CCDC50: variants seen among roughly 807,000 people sequenced by gnomAD.
CCDC50 encodes coiled-coil domain containing 50, also known as coiled-coil domain-containing protein 50.
Under a neutral mutation model 70.2 loss-of-function variants are expected in CCDC50, and 54 were observed. The observed-to-expected ratio is 0.77, with a 90% CI of 0.62 to 0.96. CCDC50 has a LOEUF of 0.96. Among genes scored for constraint, CCDC50 ranks in the 50% least tolerant of loss-of-function variants. The probability of loss-of-function intolerance (pLI) is 0.00; values close to 1 mark genes in which losing one functional copy is unlikely to be tolerated. For missense variants in CCDC50, 558 were observed against 578.7 expected (o/e 0.96, Z 0.37); for synonymous variants, 216 against 198.8 (o/e 1.09, Z -0.73).
Position 191,352,485 on chromosome 3 carries a change from G to A in CCDC50, c.50-4603G>A, listed in dbSNP as rs1025364416. On this transcript the variant is annotated intron_variant, in intron 1 of 11. Transcript: ENST00000392455. ...ATTTTATTGCACTTTGCTTTACTGC[G>A]CTTTGGACAAACTATGTGTTTTACA... Among the ~76,000 whole-genome samples the A allele has an allele frequency of 1.4e-5, 2 of 141,940 alleles. 1 individual carries two copies. Among genetic ancestry groups the A allele is most frequent in the Non-Finnish European group, 3.2e-5 (2 of 62,946 alleles). The allele number at this position is 141,940 out of a possible 152,430, so 93.1% of individuals were successfully genotyped here. A position where few individuals can be genotyped will look rare whatever the true frequency, so the allele number is the denominator to read the frequency against.
rs4677729 is a variant in CCDC50, at chr3:191,375,595, A to G, written c.976+6A>G. ...GCTCCACCTCCATGACGCAGGTAAT[A>G]GAGGACAGTCTCGATGGAAGTCCTG... On this transcript the variant is annotated splice_donor_region_variant and intron_variant, in intron 6 of 11. Coordinates refer to ENST00000392455, the MANE Select transcript of CCDC50 (RefSeq NM_178335.3). 657,195 of 1,610,156 alleles carry G rather than the reference A, an allele frequency of 0.41. 137,770 individuals carry two copies. Among genetic ancestry groups the G allele is most frequent in the African/African-American group, 0.68 (51,072 of 74,766 alleles).
rs1387308848 is a variant in CCDC50 at position 191,345,121 on chromosome 3, GGA to G, written c.50-11966_50-11965del. 5.3e-5 allele frequency among the ~76,000 whole-genome samples: 8 copies of G among 152,288 alleles called. No individual in the cohort carries two copies. The South Asian group carries it at 1.7e-3, about 32-fold the overall frequency. On this transcript the variant is annotated intron_variant, in intron 1 of 11. Coordinates refer to ENST00000392455, the MANE Select transcript of CCDC50 (RefSeq NM_178335.3). ...TTATGGGATGTTTCTTGAGAAGAAA[GGA>G]AGCTTAACTTGAGTGCTTTCTGTTA...
Position 191,398,453 on chromosome 3 carries a change from T to C in CCDC50, c.*6693T>C, listed in dbSNP as rs1396581108. The C allele has an allele frequency of 6.6e-6, 1 of 152,188 alleles. No individual in the cohort carries two copies. Among genetic ancestry groups the C allele is most frequent in the African/African-American group, 2.4e-5 (1 of 41,436 alleles). 9.4% of individuals were successfully genotyped at this position (152,188 alleles called of 1,614,324 possible). On this transcript the variant is annotated 3_prime_UTR_variant, in exon 12 of 12. Transcript: ENST00000392455. ...AGTCAGTGGTCTCTGTCTCATGTTT[T>C]TGTTTTGTTTCTTTACAGCATTCAA... is the stretch of plus-strand genomic sequence containing the variant.
chr3:191,391,469 T>G (rs1444692613), intron 11 of CCDC50, among the ~76,000 whole-genome samples: 1 of 152,236 alleles, frequency 6.6e-6, no homozygotes, highest in Non-Finnish European at 1.5e-5. Context: ...GTTGGTGGCA[T>G]TTTCACTGTT....
chr3:191,373,181 G>C (rs1160325434), intron 5 of CCDC50, among the ~76,000 whole-genome samples: 3 of 151,906 alleles, frequency 2.0e-5, no homozygotes, highest in Non-Finnish European at 2.9e-5. Flanking sequence ...CAAATAACTT[G>C]GTCTCAAGAA....
In CCDC50 at chr3:191,329,568, C is replaced by T. The variant is rs900315987; in HGVS notation, c.-107C>T. The T allele has an allele frequency of 5.1e-6, 6 of 1,177,392 alleles. No homozygotes were observed. The highest frequency in any genetic ancestry group is 7.1e-6 in the Non-Finnish European group (6 of 845,086). The allele number at this position is 1,177,392 out of a possible 1,614,324, so 72.9% of individuals were successfully genotyped here. On this transcript the variant is annotated 5_prime_UTR_variant, in exon 1 of 12. Coordinates refer to ENST00000392455, the MANE Select transcript of CCDC50 (RefSeq NM_178335.3). ...TCTCCGGCCTGCGAGCCCTGCCGGC[C>T]GGACTTTGCGCCGCGTCCGGCGCTG... is the stretch of plus-strand genomic sequence containing the variant.
chr3:191,329,410 T>G lies in CCDC50; in HGVS notation c.-265T>G. On this transcript the variant is annotated 5_prime_UTR_variant, in exon 1 of 12. Coordinates refer to ENST00000392455, the MANE Select transcript of CCDC50 (RefSeq NM_178335.3). ...CCCCGGTCCATTTCCGGGCTCCGGA[T>G]ATTTGGTATCGATTGGGGCCGGGGA... 74 of 388,490 alleles carry G rather than the reference T, an allele frequency of 1.9e-4. No individual in the cohort carries two copies. Among genetic ancestry groups the G allele is most frequent in the Middle Eastern group, 7.0e-4 (1 of 1,422 alleles). The allele number at this position is 388,490 out of a possible 1,614,324, so 24.1% of individuals were successfully genotyped here.
In CCDC50 at chr3:191,391,974, T is replaced by C; in HGVS notation, c.*214T>C. ...TATAAGAAAATGTAGCTTCTGAATA[T>C]TGGCCACCTCTATGCTGCATATACT... On this transcript the variant is annotated 3_prime_UTR_variant, in exon 12 of 12. Transcript: ENST00000392455. 1 of 581,884 alleles carries C rather than the reference T, an allele frequency of 1.7e-6. No homozygotes were observed. Among genetic ancestry groups the C allele is most frequent in the South Asian group, 2.1e-5 (1 of 48,570 alleles). 36.0% of individuals were successfully genotyped at this position (581,884 alleles called of 1,614,324 possible).
rs139059882 is a variant in CCDC50, at chr3:191,354,023, C to T, written c.50-3065C>T. ...GGAGTCATCAAGGTAATCAGCAATT[C>T]GGAAATTTCTCACACCTGTTATAAT... On this transcript the variant is annotated intron_variant, in intron 1 of 11. Coordinates refer to ENST00000392455, the MANE Select transcript of CCDC50 (RefSeq NM_178335.3). 2.1e-4 allele frequency among the ~76,000 whole-genome samples: 32 copies of T among 152,188 alleles called. No individual in the cohort carries two copies. In the East Asian group the frequency reaches 5.8e-3, roughly 27 times the overall value.
chr3:191,384,173 T>TA (rs147314021), intron 10 of CCDC50, among the ~76,000 whole-genome samples: 2,949 of 152,260 alleles, frequency 0.019, 108 homozygotes, highest in African/African-American at 0.067. Context: ...GATCCTGTAT[T>TA]AAAAATGGCT....
chr3:191,364,792 T>C (rs1474103791), intron 4 of CCDC50, among the ~76,000 whole-genome samples: 1 of 152,044 alleles, frequency 6.6e-6, no homozygotes, highest in Non-Finnish European at 1.5e-5. Flanking sequence ...TTTTTTTCGG[T>C]CTTTCTAGCT....
At chr3:191,334,266 T>A (rs1718074964) in intron 1 of CCDC50, among the ~76,000 whole-genome samples, 1 of 152,192 alleles carries the variant, frequency 6.6e-6, no homozygotes, top group Non-Finnish European at 1.5e-5. Context: ...TGAATTCATA[T>A]GTGCACCAAA....
At chr3:191,337,140 T>C (rs1451328857) in intron 1 of CCDC50, among the ~76,000 whole-genome samples, 2 of 152,026 alleles carry the variant, frequency 1.3e-5, no homozygotes, top group Admixed American at 1.3e-4. Flanking sequence ...TGGCAAAGCT[T>C]AAATTTTTTG....
At chr3:191,345,307 A>G (rs555140196) in intron 1 of CCDC50, among the ~76,000 whole-genome samples, 9 of 152,332 alleles carry the variant, frequency 5.9e-5, no homozygotes, top group East Asian at 5.8e-4. Context: ...GAGGTTGTCC[A>G]TGTTTGCGGG....
intron 1 of CCDC50, among the ~76,000 whole-genome samples, chr3:191,329,973 CAAGT>C (rs1717907064): frequency 7.4e-6 from 1 of 135,910 alleles, no homozygotes; most frequent in Non-Finnish European, 1.6e-5. Context: ...GCAGCCCCAG[CAAGT>C]AGGTGGCTGT....
At chr3:191,374,879 A>G (rs1713038973) in intron 5 of CCDC50, among the ~76,000 whole-genome samples, 183 bp from the exon 6 acceptor site, 1 of 152,154 alleles carries the variant, frequency 6.6e-6, no homozygotes. Flanking sequence ...AGAATTCTTT[A>G]GGTATGCATG....
At chr3:191,335,506 T>C (rs1346843039) in intron 1 of CCDC50, among the ~76,000 whole-genome samples, 1 of 152,188 alleles carries the variant, frequency 6.6e-6, no homozygotes, top group East Asian at 1.9e-4. Context: ...ATCTAGAATG[T>C]TCCAGGTGTT....
intron 4 of CCDC50, among the ~76,000 whole-genome samples, chr3:191,363,334 C>CATACTGTTTCATGT (rs1712562570): frequency 6.6e-6 from 1 of 152,172 alleles, no homozygotes; most frequent in African/African-American, 2.4e-5. Flanking sequence ...CTGACTTAGA[C>CATACTGTTTCATGT]ATACTGTGGT....
chr3:191,347,170 C>T (rs116538179), intron 1 of CCDC50, among the ~76,000 whole-genome samples: 2,048 of 142,272 alleles, frequency 0.014, 261 homozygotes, highest in African/African-American at 0.048. Context: ...ATAATTAACC[C>T]GGAAAATGTC....
Sources: gnomAD v4.1 joint callset for allele counts (sites outside exome capture counted in the v4.1 genomes callset) on GRCh38, gnomAD v4.1.1 for gene constraint, MANE v1.5 for transcripts, NCBI Gene and HGNC (gene_info 2026-07-23, HGNC 2026-07-21) for gene names.